Variants in HHAT observed in about 807,000 individuals in gnomAD.
HHAT encodes the protein protein-cysteine N-palmitoyltransferase HHAT.
A neutral mutation model predicts 70.8 loss-of-function variants in HHAT; 47 were observed. The ratio of observed to expected loss-of-function variants is 0.66; its 90% CI spans 0.53 to 0.85. The LOEUF is 0.85. Among genes scored for constraint, HHAT ranks in the 40% least tolerant of loss-of-function variants. HHAT has a pLI of 0.00. For synonymous variants in HHAT, 228 were observed against 247.6 expected, an observed-to-expected ratio of 0.92 and a Z score of 0.74; for missense variants, 609 against 604.8, an observed-to-expected ratio of 1.01 and a Z score of -0.07.
At chr1:210,391,563 C>A (rs1420007155) in intron 4 of HHAT, among the ~76,000 whole-genome samples, 1 of 151,948 alleles carries the variant, frequency 6.6e-6, no homozygotes, top group Non-Finnish European at 1.5e-5. Context: ...AAGACAAAAT[C>A]ACTCAATAGA....
chr1:210,616,729 G>C (rs1573763290), intron 10 of HHAT, among the ~76,000 whole-genome samples: 1 of 152,230 alleles, frequency 6.6e-6, no homozygotes. Context: ...TATTCAATTA[G>C]AGAAACGTAT....
intron 10 of HHAT, among the ~76,000 whole-genome samples, chr1:210,615,431 C>T (rs1228947729): frequency 6.6e-6 from 1 of 152,252 alleles, no homozygotes; most frequent in Non-Finnish European, 1.5e-5. Context: ...GCCTTCTTCT[C>T]TCAACTCATC....
intron 7 of HHAT, among the ~76,000 whole-genome samples, chr1:210,431,589 A>G (rs570133611): frequency 6.6e-6 from 1 of 151,984 alleles, no homozygotes; most frequent in Admixed American, 6.5e-5. Flanking sequence ...CCTGTTTTTA[A>G]GAAGGAAGAA....
intron 1 of HHAT, among the ~76,000 whole-genome samples, chr1:210,339,657 T>C (rs2085827948): frequency 6.6e-6 from 1 of 152,100 alleles, no homozygotes; most frequent in South Asian, 2.1e-4. Context: ...GCCAGACATG[T>C]GCATGAGGTC....
chr1:210,660,837 G>A (rs1404806882), intron 11 of HHAT, among the ~76,000 whole-genome samples: 1 of 152,098 alleles, frequency 6.6e-6, no homozygotes, highest in African/African-American at 2.4e-5. Flanking sequence ...TTTAATAAAT[G>A]GTGCTGGGAA....
chr1:210,412,736 C>T (rs1008280841), intron 6 of HHAT, among the ~76,000 whole-genome samples: 1 of 152,204 alleles, frequency 6.6e-6, no homozygotes, highest in African/African-American at 2.4e-5. Context: ...TCACCCAGGC[C>T]AGAATCTTGA....
rs1434941342 is a variant in HHAT, at chr1:210,644,553, A to G, written c.1390+20883A>G. On this transcript the variant is annotated intron_variant, in intron 11 of 11. Transcript: ENST00000261458. ...GGGAGGCAGAGGTTGTGGGAAGCTG[A>G]GATCATGCCACTGCACTCCAGTCTG... Among the ~76,000 whole-genome samples, 4 of 142,930 alleles carry G rather than the reference A, an allele frequency of 2.8e-5. No individual in the cohort carries two copies. The East Asian group carries it at 8.9e-4, about 32-fold the overall frequency. The allele number at this position is 142,930 out of a possible 152,430, so 93.8% of individuals were successfully genotyped here.
intron 10 of HHAT, among the ~76,000 whole-genome samples, chr1:210,613,767 C>T (rs1020140712): frequency 1.2e-4 from 18 of 152,050 alleles, no homozygotes; most frequent in African/African-American, 4.4e-4. Context: ...CCTATAATTC[C>T]AGCACTTTGT....
intron 7 of HHAT, among the ~76,000 whole-genome samples, chr1:210,421,352 G>C (rs552980578): frequency 1.3e-4 from 20 of 152,236 alleles, no homozygotes; most frequent in Admixed American, 1.2e-3. Flanking sequence ...TGAAAATCTG[G>C]TGGGTGTGAA....
chr1:210,470,722 C>T (rs1412412319), intron 8 of HHAT, among the ~76,000 whole-genome samples: 2 of 152,142 alleles, frequency 1.3e-5, no homozygotes, highest in East Asian at 3.9e-4. Context: ...ATGTAAGAAG[C>T]ACCAGACATT....
At chr1:210,481,861 T>A (rs912179944) in intron 8 of HHAT, among the ~76,000 whole-genome samples, 25 of 152,220 alleles carry the variant, frequency 1.6e-4, no homozygotes, top group African/African-American at 5.8e-4. Context: ...TTGGAGGAGA[T>A]TATGGGAGTC....
In HHAT at chr1:210,453,722, A is replaced by G. The variant is rs114943435; in HGVS notation, c.857-10783A>G. Among the ~76,000 whole-genome samples the G allele has an allele frequency of 8.7e-3, 1,325 of 152,228 alleles. 19 individuals are homozygous for G. Among genetic ancestry groups the G allele is most frequent in the African/African-American group, 0.03 (1,259 of 41,552 alleles). ...GTTGGATACTTTGAGGGGGGTAATT[A>G]TTTGCTTTCTAAAGGGATTCTTTAC... is the stretch of plus-strand genomic sequence containing the variant. On this transcript the variant is annotated intron_variant, in intron 7 of 11. Transcript: ENST00000261458.
chr1:210,619,635 A>C (rs1405982645), intron 10 of HHAT, among the ~76,000 whole-genome samples: 1 of 152,174 alleles, frequency 6.6e-6, no homozygotes, highest in Non-Finnish European at 1.5e-5. Flanking sequence ...TCCGTCCTGC[A>C]CATTGCCGTG....
chr1:210,441,657 C>T (rs758298440), intron 7 of HHAT, among the ~76,000 whole-genome samples: 23 of 152,002 alleles, frequency 1.5e-4, no homozygotes, highest in Non-Finnish European at 2.5e-4. Flanking sequence ...AATATATTTT[C>T]GTCACCATGA....
intron 3 of HHAT, among the ~76,000 whole-genome samples, chr1:210,378,665 C>T (rs930148532): frequency 1.6e-4 from 24 of 148,648 alleles, no homozygotes; most frequent in African/African-American, 5.9e-4. Context: ...AAACATTTAT[C>T]TTTTTTTTTT....
chr1:210,508,249 A>G (rs2094896646), intron 8 of HHAT, among the ~76,000 whole-genome samples: 1 of 151,632 alleles, frequency 6.6e-6, no homozygotes, highest in East Asian at 1.9e-4. Flanking sequence ...CCATAAATAC[A>G]TACAACTATA....
chr1:210,400,320 A>G (rs2148195927), intron 4 of HHAT, 148 bp from the exon 5 acceptor site: 1 of 696,652 alleles, frequency 1.4e-6, no homozygotes, highest in African/African-American at 1.8e-5. Context: ...TTCCCAGGGC[A>G]GTGATAAGAG....
At chr1:210,406,790 C>T (rs2092348408) in intron 6 of HHAT, among the ~76,000 whole-genome samples, 1 of 152,164 alleles carries the variant, frequency 6.6e-6, no homozygotes, top group African/African-American at 2.4e-5. Context: ...CACCTAAATC[C>T]TTAGCCAAGG....
intron 9 of HHAT, among the ~76,000 whole-genome samples, chr1:210,538,568 G>T (rs2095397774): frequency 6.6e-6 from 1 of 152,094 alleles, no homozygotes; most frequent in South Asian, 2.1e-4. Context: ...AGAACATGAA[G>T]ATCAAAAGTG....
Sources: allele counts gnomAD v4.1 joint callset (sites outside exome capture counted in the v4.1 genomes callset), GRCh38; gene constraint gnomAD v4.1.1; transcripts MANE v1.5; gene names NCBI Gene and HGNC (gene_info 2026-07-23, HGNC 2026-07-21).